The following SNX29 variants were observed in gnomAD, a reference collection of about 807,000 sequenced individuals.
SNX29 encodes the protein sorting nexin-29.
SNX29 carries 78 observed loss-of-function variants against 102.1 expected under a neutral mutation model. That is an observed-to-expected ratio of 0.76 (90% CI 0.64 to 0.92). The LOEUF is 0.92. SNX29 is among the 40% of genes least tolerant of loss of function. The pLI, the probability that SNX29 is intolerant of heterozygous loss-of-function variation, is 0.00. For synonymous variants in SNX29, 580 were observed against 414.5 expected (o/e 1.40, Z -4.85); for missense variants, 1,280 against 1,061.7 (o/e 1.21, Z -2.86).
At chr16:12,458,157 T>G (rs1392424809) in intron 18 of SNX29, among the ~76,000 whole-genome samples, 1 of 152,240 alleles carries the variant, frequency 6.6e-6, no homozygotes, top group Non-Finnish European at 1.5e-5. Context: ...GGCTCTGCAC[T>G]GCACGTGGAG....
chr16:12,240,104 C>T (rs772599984), intron 14 of SNX29, among the ~76,000 whole-genome samples: 3 of 152,218 alleles, frequency 2.0e-5, no homozygotes, highest in Non-Finnish European at 4.4e-5. Flanking sequence ...ATGGCCTTAA[C>T]GGCCGCATGA....
rs1465568892 is a variant in SNX29 at position 12,019,587 on chromosome 16, TATATATAGATAGATAG to T, written c.123-7729_123-7714del. ...TGGAATTGTTATATATGTAAATATATATATATAGATAGATAGATAGATAGATAGATAGATAGATATA... is the reference window on the plus strand; with the variant it reads ...TGGAATTGTTATATATGTAAATATATATAGATAGATAGATAGATAGATATA... On this transcript the variant is annotated intron_variant, in intron 3 of 20. Coordinates refer to ENST00000566228, the MANE Select transcript of SNX29 (RefSeq NM_032167.5). Among the ~76,000 whole-genome samples the T allele has an allele frequency of 1.9e-4, 15 of 79,268 alleles. 1 individual carries two copies. Among genetic ancestry groups the T allele is most frequent in the Admixed American group, 6.2e-4 (5 of 8,112 alleles). 52.0% of individuals were successfully genotyped at this position (79,268 alleles called of 152,430 possible). A position where few individuals can be genotyped will look rare whatever the true frequency, so the allele number is the denominator to read the frequency against.
Position 12,525,348 on chromosome 16 carries a change from A to G in SNX29, c.2318+507A>G, listed in dbSNP as rs145361750. Among the ~76,000 whole-genome samples, 13 of 152,250 alleles carry G rather than the reference A, an allele frequency of 8.5e-5. No individual in the cohort carries two copies. The East Asian group carries it at 1.7e-3, about 20-fold the overall frequency. On this transcript the variant is annotated intron_variant, in intron 20 of 20. Transcript: ENST00000566228. ...AAAAAGTAAAAAAAAAAAAAAATTA[A>G]AAGAGTTTACATATTATGCACTTAG...
intron 15 of SNX29, among the ~76,000 whole-genome samples, chr16:12,347,037 T>C (rs1284431480): frequency 6.6e-6 from 1 of 152,172 alleles, no homozygotes; most frequent in Admixed American, 6.5e-5. Context: ...TGATGGGTGT[T>C]GTCCCTCTTT....
chr16:12,082,917 G>C (rs1295853156), intron 11 of SNX29, among the ~76,000 whole-genome samples: 2 of 152,154 alleles, frequency 1.3e-5, no homozygotes, highest in Non-Finnish European at 2.9e-5. Flanking sequence ...ACATGCAAGA[G>C]GAGTAAGAAG....
At chr16:12,117,159 A>G (rs1423521234) in intron 11 of SNX29, among the ~76,000 whole-genome samples, 1 of 146,940 alleles carries the variant, frequency 6.8e-6, no homozygotes, top group Non-Finnish European at 1.5e-5. Context: ...AGTGCGGACG[A>G]ACCATGGAAA....
chr16:12,266,077 A>G (rs892894980), intron 14 of SNX29, among the ~76,000 whole-genome samples: 1 of 152,026 alleles, frequency 6.6e-6, no homozygotes, highest in Non-Finnish European at 1.5e-5. Context: ...GGAAAAACAA[A>G]TTGTGTTTTT....
chr16:12,094,655 C>G (rs1034513760), intron 11 of SNX29, among the ~76,000 whole-genome samples: 5 of 152,158 alleles, frequency 3.3e-5, no homozygotes, highest in African/African-American at 1.2e-4. Context: ...ATATGGTTGT[C>G]ACACCTGGGA....
At position 12,403,478 on chromosome 16, in the gene SNX29, C is replaced by G. The variant is rs749341493; in HGVS notation, c.1986C>G (p.Ile662Met). The change falls in exon 18 of 21, where the codon ATC becomes ATG. Residue 662 changes from isoleucine (I) to methionine (M), a missense_variant. Transcript: ENST00000566228. The stretch of plus-strand genomic sequence containing the variant: ...ACCGGGCGCTGATCAACGTCTGGAT[C>G]CCCTCAGTGTTTCTCCGGGGCAAAG... ...ISNRALINVW[I>M]PSVFLRGKAA... 3.7e-6 allele frequency: 6 copies of G among 1,608,996 alleles called. No individual in the cohort carries two copies. In the East Asian group the frequency reaches 1.1e-4, roughly 30 times the overall value.
chr16:12,430,889 C>T (rs560785623), intron 18 of SNX29, among the ~76,000 whole-genome samples: 4 of 141,590 alleles, frequency 2.8e-5, no homozygotes, highest in Non-Finnish European at 4.5e-5. Flanking sequence ...CTCACTCTGT[C>T]GTGCCCAGGC....
chr16:12,132,579 G>A lies in SNX29; in HGVS notation c.1595+2821G>A, dbSNP rs181605106. Among the ~76,000 whole-genome samples, 15 of 152,362 alleles carry A rather than the reference G, an allele frequency of 9.8e-5. No homozygotes were observed. In the East Asian group the frequency reaches 2.5e-3, roughly 25 times the overall value. ...AGGGGCTGAATGAGGAGGAAAAGATGTGAGGGTGCATATGGCAGTGGACAT... is the reference window on the plus strand; with the variant it reads ...AGGGGCTGAATGAGGAGGAAAAGATATGAGGGTGCATATGGCAGTGGACAT... On this transcript the variant is annotated intron_variant, in intron 13 of 20. Coordinates refer to ENST00000566228, the MANE Select transcript of SNX29 (RefSeq NM_032167.5).
At chr16:12,543,169 C>G (rs1295187578) in intron 20 of SNX29, among the ~76,000 whole-genome samples, 2 of 152,162 alleles carry the variant, frequency 1.3e-5, no homozygotes, top group Admixed American at 6.5e-5. Flanking sequence ...TTCTCATCAG[C>G]TCCTGTAGAA....
chr16:12,340,996 C>A (rs910026654), intron 15 of SNX29, among the ~76,000 whole-genome samples: 3 of 152,164 alleles, frequency 2.0e-5, no homozygotes, highest in African/African-American at 7.2e-5. Flanking sequence ...GCCCCTATTT[C>A]CTTACCTGTA....
chr16:12,343,494 G>A (rs2081677037), intron 15 of SNX29, among the ~76,000 whole-genome samples: 1 of 152,322 alleles, frequency 6.6e-6, no homozygotes, highest in Non-Finnish European at 1.5e-5. Context: ...GGAAATGGGA[G>A]CAGATGAATG....
intron 15 of SNX29, among the ~76,000 whole-genome samples, chr16:12,345,762 G>A (rs987668414): frequency 6.6e-5 from 10 of 152,162 alleles, no homozygotes; most frequent in Non-Finnish European, 1.3e-4. Flanking sequence ...CCGTATTCTC[G>A]TTCCATCCAT....
Position 12,061,548 on chromosome 16 carries a change from G to C in SNX29, c.1145G>C (p.Cys382Ser). ...SPEKPLEGNT[C>S]LSQMHSWAPL... ...CTTAGGCCACTGGAAGGGAACACCT[G>C]CCTCTCCCAGATGCACAGCTGGGCT... Residue 382 changes from cysteine (C) to serine (S), a missense_variant, in exon 9 of 21, where the codon TGC becomes TCC. Transcript: ENST00000566228. 1 of 1,607,098 alleles carries C rather than the reference G, an allele frequency of 6.2e-7. No individual in the cohort carries two copies. The highest frequency in any genetic ancestry group is 1.7e-5 in the Admixed American group (1 of 59,172).
At chr16:12,181,419 T>C (rs184609032) in intron 13 of SNX29, among the ~76,000 whole-genome samples, 1 of 152,262 alleles carries the variant, frequency 6.6e-6, no homozygotes, top group Non-Finnish European at 1.5e-5. Flanking sequence ...CTAGGTAGAT[T>C]AGAGACAAAT....
At chr16:12,296,523 TG>T (rs923973126) in intron 15 of SNX29, among the ~76,000 whole-genome samples, 3 of 152,250 alleles carry the variant, frequency 2.0e-5, no homozygotes, top group African/African-American at 7.2e-5. Context: ...TTCGGTGTTG[TG>T]GGCCATGTGA....
chr16:12,535,273 G>T (rs1017327033), intron 20 of SNX29, among the ~76,000 whole-genome samples: 1 of 152,146 alleles, frequency 6.6e-6, no homozygotes, highest in Non-Finnish European at 1.5e-5. Context: ...CAAGTAGCTG[G>T]GATTACAGGC....
Sources: gnomAD v4.1 joint callset for allele counts (sites outside exome capture counted in the v4.1 genomes callset) on GRCh38, gnomAD v4.1.1 for gene constraint, MANE v1.5 for transcripts, NCBI Gene and HGNC (gene_info 2026-07-23, HGNC 2026-07-21) for gene names.